The following GNG7 variants were observed in gnomAD, a reference collection of about 807,000 sequenced individuals.
The protein encoded by GNG7 is G protein subunit gamma 7, also known as guanine nucleotide-binding protein G(I)/G(S)/G(O) subunit gamma-7.
Under a neutral mutation model 4.0 loss-of-function variants are expected in GNG7, and 1 was observed. The observed-to-expected ratio is 0.25, with a 90% CI of 0.09 to 1.18. The LOEUF (loss-of-function observed/expected upper bound fraction) is 1.18. Ranked by LOEUF, GNG7 falls within the 50% of genes most tolerant of loss-of-function variation. The pLI, the probability that GNG7 is intolerant of heterozygous loss-of-function variation, is 0.50. For missense variants in GNG7, 86 were observed against 91.9 expected (o/e 0.94, Z 0.26); for synonymous variants, 34 against 36.9 (o/e 0.92, Z 0.29).
intron 3 of GNG7, among the ~76,000 whole-genome samples, chr19:2,548,111 C>T (rs565130694): frequency 1.3e-5 from 2 of 152,304 alleles, no homozygotes; most frequent in South Asian, 2.1e-4. Flanking sequence ...CGGAAAACTA[C>T]AGGCCCAGGG....
chr19:2,588,178 A>T (rs1183600499), intron 2 of GNG7, among the ~76,000 whole-genome samples: 1 of 152,144 alleles, frequency 6.6e-6, no homozygotes, highest in African/African-American at 2.4e-5. Context: ...GGCTGCTTAG[A>T]AACCTAGCAA....
intron 1 of GNG7, among the ~76,000 whole-genome samples, chr19:2,646,833 A>G (rs1982679199): frequency 1.3e-5 from 2 of 152,220 alleles, no homozygotes; most frequent in Admixed American, 6.5e-5. Context: ...ACGGCTCTTC[A>G]CAGTTTATCA....
intron 2 of GNG7, among the ~76,000 whole-genome samples, chr19:2,556,803 G>A (rs550980204): frequency 2.4e-4 from 37 of 152,254 alleles, no homozygotes; most frequent in African/African-American, 8.7e-4. Flanking sequence ...ATTGTTCTCC[G>A]GGGCGGGAGC....
intron 3 of GNG7, among the ~76,000 whole-genome samples, chr19:2,524,275 G>A (rs4807288): frequency 2.0e-5 from 3 of 152,078 alleles, no homozygotes; most frequent in Non-Finnish European, 4.4e-5. Context: ...GCGAGATGCT[G>A]CCTTTGGGCT....
In GNG7 at chr19:2,513,710, A is replaced by C. The variant is rs989114287; in HGVS notation, c.*1312T>G. The C allele has an allele frequency of 2.7e-5, 6 of 225,324 alleles. No homozygotes were observed. Among genetic ancestry groups the C allele is most frequent in the African/African-American group, 1.4e-4 (6 of 42,856 alleles). The allele number at this position is 225,324 out of a possible 1,614,324, so 14.0% of individuals were successfully genotyped here. Reference sequence around the variant, plus strand: ...TCTCCGGGACAACGTCTCACCTCCCAGAGTCCTTCAGAGTCACTCCAAGAT... The same window carrying C: ...TCTCCGGGACAACGTCTCACCTCCCCGAGTCCTTCAGAGTCACTCCAAGAT... On this transcript the variant is annotated 3_prime_UTR_variant, in exon 5 of 5. Transcript: ENST00000382159.
At chr19:2,629,939 T>C (rs886284386) in intron 2 of GNG7, among the ~76,000 whole-genome samples, 5 of 152,164 alleles carry the variant, frequency 3.3e-5, no homozygotes, top group Non-Finnish European at 5.9e-5. Context: ...TGGGGGAAAC[T>C]GTGAAGATAC....
intron 2 of GNG7, chr19:2,630,704 C>T (rs1982137828): frequency 1.3e-5 from 2 of 151,652 alleles, no homozygotes; most frequent in Non-Finnish European, 2.9e-5. Context: ...AGCCCTGGCT[C>T]ACATCTCCGA....
At chr19:2,665,000 CT>C (rs979300920) in intron 1 of GNG7, among the ~76,000 whole-genome samples, 33 of 152,006 alleles carry the variant, frequency 2.2e-4, no homozygotes, top group African/African-American at 7.7e-4. Context: ...ACTCTGTCCC[CT>C]GATCTTCTGT....
chr19:2,552,274 G>A (rs571069818), intron 3 of GNG7, among the ~76,000 whole-genome samples: 3 of 152,162 alleles, frequency 2.0e-5, no homozygotes, highest in East Asian at 2.0e-4. Flanking sequence ...CTGCACTCCA[G>A]ACTGGGCAAC....
At chr19:2,523,191 G>C (rs1018305703) in intron 3 of GNG7, among the ~76,000 whole-genome samples, 1 of 151,810 alleles carries the variant, frequency 6.6e-6, no homozygotes, top group African/African-American at 2.4e-5. Context: ...TAGAAATGGA[G>C]AACAGATTAG....
At chr19:2,578,447 G>A (rs958177134) in intron 2 of GNG7, among the ~76,000 whole-genome samples, 1 of 152,188 alleles carries the variant, frequency 6.6e-6, no homozygotes, top group Non-Finnish European at 1.5e-5. Flanking sequence ...GAATGAGGCA[G>A]AATATAAATA....
rs147489460 is a variant in GNG7, at chr19:2,666,435, C to T, written c.-134-20155G>A. On this transcript the variant is annotated intron_variant, in intron 1 of 4. Transcript: ENST00000382159. ...TGATCTGCCCACCTCAGCCTCCCAACGTCCTGGGATTACATAGGTGTGAGC... is the reference window on the plus strand; with the variant it reads ...TGATCTGCCCACCTCAGCCTCCCAATGTCCTGGGATTACATAGGTGTGAGC... Among the ~76,000 whole-genome samples the T allele has an allele frequency of 1.4e-3, 218 of 152,268 alleles. 2 individuals are homozygous for T. The highest frequency in any genetic ancestry group is 5.0e-3 in the African/African-American group (206 of 41,572).
chr19:2,585,417 G>A (rs1980641871), intron 2 of GNG7, among the ~76,000 whole-genome samples: 1 of 152,148 alleles, frequency 6.6e-6, no homozygotes, highest in African/African-American at 2.4e-5. Flanking sequence ...CACACACGGT[G>A]AACGATGGAG....
chr19:2,523,090 C>T (rs1325697837), intron 3 of GNG7, among the ~76,000 whole-genome samples: 1 of 151,422 alleles, frequency 6.6e-6, no homozygotes, highest in African/African-American at 2.4e-5. Flanking sequence ...TGGTCTCAAA[C>T]TCCTGGCCTC....
intron 2 of GNG7, among the ~76,000 whole-genome samples, chr19:2,621,912 G>A (rs1044557587): frequency 1.2e-4 from 18 of 152,064 alleles, no homozygotes; most frequent in Non-Finnish European, 2.6e-4. Flanking sequence ...CTCCAGAACC[G>A]TGAGAGGACA....
intron 1 of GNG7, chr19:2,683,828 G>A (rs927403618): frequency 2.5e-4 from 38 of 152,400 alleles, no homozygotes; most frequent in African/African-American, 7.5e-4. Context: ...GGGCAGGGAC[G>A]GGCTTGCTGC....
chr19:2,563,344 T>C (rs1979805274), intron 2 of GNG7, among the ~76,000 whole-genome samples: 1 of 152,126 alleles, frequency 6.6e-6, no homozygotes, highest in Non-Finnish European at 1.5e-5. Context: ...CTCGGCACTG[T>C]AGGCTGCTGA....
chr19:2,607,140 G>C (rs1449942234), intron 2 of GNG7, among the ~76,000 whole-genome samples: 1 of 151,702 alleles, frequency 6.6e-6, no homozygotes, highest in Non-Finnish European at 1.5e-5. Context: ...AGGATCACTT[G>C]AGCCCAGGAG....
chr19:2,649,506 C>T (rs1439484614), intron 1 of GNG7, among the ~76,000 whole-genome samples: 1 of 150,388 alleles, frequency 6.6e-6, no homozygotes, highest in Non-Finnish European at 1.5e-5. Context: ...TCTCCTGCCT[C>T]AGCCTCCTGA....
Sources: gnomAD v4.1 joint callset for allele counts (sites outside exome capture counted in the v4.1 genomes callset) on GRCh38, gnomAD v4.1.1 for gene constraint, MANE v1.5 for transcripts, NCBI Gene and HGNC (gene_info 2026-07-23, HGNC 2026-07-21) for gene names.